Variants in ACSS1 observed in about 807,000 individuals in gnomAD.
The protein encoded by ACSS1 is acyl-CoA synthetase short chain family member 1.
In ACSS1, 42 loss-of-function variants were observed where a neutral mutation model predicts 75.3. The observed-to-expected ratio is 0.56, with a 90% confidence interval of 0.44 to 0.72. The LOEUF is 0.72. Among genes scored for constraint, ACSS1 ranks in the 30% least tolerant of loss-of-function variants. The pLI, the probability that ACSS1 is intolerant of heterozygous loss-of-function variation, is 0.00. For synonymous variants in ACSS1, 380 were observed against 376.8 expected (o/e 1.01, Z -0.10); for missense variants, 782 against 935.7 (o/e 0.84, Z 2.14).
intron 2 of ACSS1, among the ~76,000 whole-genome samples, chr20:25,035,361 T>C (rs770252590): frequency 6.6e-6 from 1 of 152,058 alleles, no homozygotes; most frequent in Non-Finnish European, 1.5e-5. Context: ...AGGCTTTCCA[T>C]TTATCCCAAT....
At chr20:25,019,981 C>T (rs763227494) in intron 7 of ACSS1, 29 bp downstream of exon 7, 2 of 1,613,854 alleles carry the variant, frequency 1.2e-6, no homozygotes, top group South Asian at 1.1e-5. Context: ...GCAAGCACAA[C>T]CTCTCCTGCT....
chr20:25,038,092 C>T (rs1399785844), intron 2 of ACSS1, among the ~76,000 whole-genome samples: 3 of 152,156 alleles, frequency 2.0e-5, no homozygotes, highest in South Asian at 2.1e-4. Flanking sequence ...CCAGGCACAG[C>T]GAGGGCCCCC....
At chr20:25,048,779 G>C (rs1403236329) in intron 1 of ACSS1, among the ~76,000 whole-genome samples, 2 of 152,236 alleles carry the variant, frequency 1.3e-5, no homozygotes, top group Admixed American at 6.5e-5. Context: ...AGAAGGCTCT[G>C]CTCCCTCCCT....
intron 2 of ACSS1, chr20:25,046,241 CCT>C (rs2089087491): frequency 6.6e-6 from 1 of 152,670 alleles, no homozygotes; most frequent in Non-Finnish European, 1.5e-5. Context: ...GCGACCGGCC[CCT>C]GTTTATTTTT....
intron 7 of ACSS1, among the ~76,000 whole-genome samples, chr20:25,016,857 T>C (rs1288427082): frequency 6.6e-6 from 1 of 152,224 alleles, no homozygotes; most frequent in Non-Finnish European, 1.5e-5. Flanking sequence ...GTGTGGTAAC[T>C]TTGGTGTTAA....
chr20:25,035,184 C>T (rs1031347432), intron 2 of ACSS1, among the ~76,000 whole-genome samples: 1 of 152,020 alleles, frequency 6.6e-6, no homozygotes, highest in East Asian at 1.9e-4. Flanking sequence ...TGTGAGCCAC[C>T]GCACCCGGCC....
At chr20:25,020,711 C>T (rs2088609052) in intron 6 of ACSS1, among the ~76,000 whole-genome samples, 1 of 152,230 alleles carries the variant, frequency 6.6e-6, no homozygotes, top group Non-Finnish European at 1.5e-5. Context: ...CTGGTCTTGC[C>T]CCTACAACTT....
rs750901530 is a variant in ACSS1 at position 25,013,746 on chromosome 20, G to A, written c.1453-84C>T. The A allele has an allele frequency of 7.2e-6, 11 of 1,518,594 alleles. No homozygotes were observed. In the East Asian group the frequency reaches 9.4e-5, roughly 13 times the overall value. 94.1% of individuals were successfully genotyped at this position (1,518,594 alleles called of 1,614,324 possible). A position where few individuals can be genotyped will look rare whatever the true frequency, so the allele number is the denominator to read the frequency against. ...AAAATGACAAGCCCTGCCCTCAAGG[G>A]AGCTGTCCATAGCTCTCCCCTCTGC... On this transcript the variant is annotated intron_variant, in intron 9 of 13. Coordinates refer to ENST00000323482, the MANE Select transcript of ACSS1 (RefSeq NM_032501.4).
chr20:25,039,910 A>G (rs2088973675), intron 2 of ACSS1, among the ~76,000 whole-genome samples: 1 of 152,320 alleles, frequency 6.6e-6, no homozygotes, highest in Non-Finnish European at 1.5e-5. Flanking sequence ...CCAGGTGTCA[A>G]TGCCTGAAGA....
chr20:25,057,850 T>C lies in ACSS1; in HGVS notation c.253A>G (p.Thr85Ala), dbSNP rs767032022. 71 of 1,612,080 alleles carry C rather than the reference T, an allele frequency of 4.4e-5. No homozygotes were observed. The South Asian group carries it at 7.7e-4, about 17-fold the overall frequency. The stretch of plus-strand genomic sequence containing the variant: ...CAGTCCCAGACGGTGTGGTAGGGGG[T>C]GTCCCACACGAGAGTGTCCCGCGCC... ...PLARDTLVWD[T>A]PYHTVWDCDF... is the part of the protein sequence containing the mutation. The change falls in exon 1 of 14, where the codon ACC becomes GCC. Residue 85 changes from threonine to alanine, a missense_variant. Thr to Ala is a moderately conservative substitution (Grantham distance 58). This residue lies in a region of ACSS1 where 377 missense variants were observed against 383.1 expected (regional missense o/e 0.98). Coordinates refer to ENST00000323482, the MANE Select transcript of ACSS1 (RefSeq NM_032501.4).
intron 1 of ACSS1, among the ~76,000 whole-genome samples, chr20:25,053,818 C>T (rs997231334): frequency 1.3e-5 from 2 of 152,216 alleles, no homozygotes; most frequent in African/African-American, 4.8e-5. Context: ...TACACTCTTG[C>T]TTAAGAGTAC....
chr20:25,053,555 T>C (rs1333211850), intron 1 of ACSS1, among the ~76,000 whole-genome samples: 1 of 152,198 alleles, frequency 6.6e-6, no homozygotes, highest in East Asian at 1.9e-4. Context: ...CTTTTTCATG[T>C]AGAGTTCCCT....
intron 2 of ACSS1, among the ~76,000 whole-genome samples, chr20:25,040,106 G>C (rs991701489): frequency 6.6e-6 from 1 of 152,186 alleles, no homozygotes; most frequent in East Asian, 1.9e-4. Context: ...TTTGGAAAGG[G>C]GTGTAGGTTT....
chr20:25,044,537 C>G (rs895003001), intron 2 of ACSS1, among the ~76,000 whole-genome samples: 3 of 152,114 alleles, frequency 2.0e-5, no homozygotes, highest in Non-Finnish European at 4.4e-5. Context: ...CACTTGAGCC[C>G]GGGAGGTCAA....
In ACSS1 at chr20:25,012,843, C is replaced by A. The variant is rs772278659; in HGVS notation, c.1676G>T (p.Arg559Leu). Residue 559 changes from arginine to leucine, a missense_variant, in exon 11 of 14, where the codon CGG becomes CTG. Physicochemically the swap from Arg to Leu is moderately radical, Grantham distance 102 (BLOSUM62 -2). Transcript: ENST00000323482. ...GTCCTCAATCTCTGCGGTCCCCAGC[C>A]GGTGGCCACTGATGTTGATGACATC... Reference protein sequence around the residue: ...MDDVINISGHRLGTAEIEDAI... With the variant: ...MDDVINISGHLLGTAEIEDAI... The A allele has an allele frequency of 6.2e-7, 1 of 1,614,024 alleles. No individual in the cohort carries two copies. Among genetic ancestry groups the A allele is most frequent in the African/African-American group, 1.3e-5 (1 of 74,904 alleles).
chr20:25,032,336 A>G lies in ACSS1; in HGVS notation c.432-1378T>C, dbSNP rs1036863038. On this transcript the variant is annotated intron_variant, in intron 2 of 13. Transcript: ENST00000323482. ...AGAGTCAACCATACTCAACTCCGGG[A>G]AAACTGGGAGCAGGCGAGAGCCGCC... is the stretch of plus-strand genomic sequence containing the variant. 5 of 1,310,568 alleles carry G rather than the reference A, an allele frequency of 3.8e-6. No individual in the cohort carries two copies. The African/African-American group carries it at 7.5e-5, about 20-fold the overall frequency. The allele number at this position is 1,310,568 out of a possible 1,614,324, so 81.2% of individuals were successfully genotyped here. A position where few individuals can be genotyped will look rare whatever the true frequency, so the allele number is the denominator to read the frequency against.
intron 2 of ACSS1, chr20:25,046,535 C>T (rs920713470): frequency 4.2e-6 from 2 of 478,046 alleles, no homozygotes; most frequent in African/African-American, 3.9e-5. Flanking sequence ...ACTGGCCCTT[C>T]GGGGAGTGCC....
In ACSS1 at chr20:25,009,255, G is replaced by A. The variant is rs757019216; in HGVS notation, c.1890+15C>T. On this transcript the variant is annotated intron_variant, in intron 13 of 13. Transcript: ENST00000323482. ...AACAGCAGCACAGCCCCATCTTTGT[G>A]GGAGGCCCACTCACCAGGATCTCAT... The A allele has an allele frequency of 6.3e-7, 1 of 1,581,990 alleles. No homozygotes were observed. Among genetic ancestry groups the A allele is most frequent in the Non-Finnish European group, 8.7e-7 (1 of 1,150,818 alleles).
chr20:25,012,196 C>T (rs955125573), intron 12 of ACSS1: 6 of 276,128 alleles, frequency 2.2e-5, no homozygotes, highest in East Asian at 8.7e-5. Flanking sequence ...ACACGCGTGG[C>T]GGCTGCAGAG....
Sources: allele counts gnomAD v4.1 joint callset (sites outside exome capture counted in the v4.1 genomes callset), GRCh38; gene constraint gnomAD v4.1.1; regional missense constraint gnomAD v4.1.1; transcripts MANE v1.5; gene names NCBI Gene and HGNC (gene_info 2026-07-23, HGNC 2026-07-21).